SLC14A2: variants seen among roughly 807,000 people sequenced by gnomAD.
SLC14A2 encodes solute carrier family 14 member 2.
SLC14A2 carries 91 observed loss-of-function variants against 104.6 expected under a neutral mutation model. That is an observed-to-expected ratio of 0.87 (90% CI 0.73 to 1.04). SLC14A2 has a LOEUF of 1.04. SLC14A2 is among the 50% of genes least tolerant of loss of function. SLC14A2 has a pLI of 0.00. For synonymous variants in SLC14A2, 476 were observed against 466.4 expected (o/e 1.02, Z -0.27); for missense variants, 1,189 against 1,156.0 (o/e 1.03, Z -0.41).
At chr18:45,359,549 GT>G (rs1242466573) in intron 1 of SLC14A2, among the ~76,000 whole-genome samples, 1 of 152,196 alleles carries the variant, frequency 6.6e-6, no homozygotes, top group African/African-American at 2.4e-5. Context: ...ATCTCCAGGT[GT>G]TCGCCTAAAG....
At chr18:45,368,481 C>T (rs1040032710) in intron 1 of SLC14A2, among the ~76,000 whole-genome samples, 8 of 152,146 alleles carry the variant, frequency 5.3e-5, no homozygotes, top group African/African-American at 1.2e-4. Flanking sequence ...AGTAGACAAT[C>T]GCTTCCATGG....
chr18:45,276,299 A>T (rs2084701936), intron 1 of SLC14A2, among the ~76,000 whole-genome samples: 1 of 152,262 alleles, frequency 6.6e-6, no homozygotes, highest in Non-Finnish European at 1.5e-5. Context: ...GGGACCCAAT[A>T]GAAATACAGA....
intron 2 of SLC14A2, among the ~76,000 whole-genome samples, chr18:45,588,682 C>A (rs2044603347): frequency 2.6e-5 from 4 of 152,170 alleles, no homozygotes; most frequent in Admixed American, 1.3e-4. Flanking sequence ...AGTGTGCAGG[C>A]AGGGGGATTG....
At chr18:45,460,134 A>G (rs2087017426) in intron 1 of SLC14A2, among the ~76,000 whole-genome samples, 1 of 152,200 alleles carries the variant, frequency 6.6e-6, no homozygotes, top group South Asian at 2.1e-4. Flanking sequence ...TGAGTGATCT[A>G]TTCCATTCTC....
At chr18:45,365,391 T>C (rs1365942828) in intron 1 of SLC14A2, among the ~76,000 whole-genome samples, 1 of 152,252 alleles carries the variant, frequency 6.6e-6, no homozygotes, top group African/African-American at 2.4e-5. Context: ...TTAAGTGTCT[T>C]GTTAGACAAT....
intron 10 of SLC14A2, among the ~76,000 whole-genome samples, chr18:45,654,140 G>GGT (rs1555718851): frequency 2.6e-5 from 4 of 151,810 alleles, no homozygotes; most frequent in East Asian, 3.9e-4. Context: ...GGAATGCTGG[G>GGT]GGGGACGTGG....
intron 2 of SLC14A2, among the ~76,000 whole-genome samples, chr18:45,520,936 T>C (rs937838622): frequency 1.4e-4 from 21 of 152,166 alleles, no homozygotes; most frequent in Non-Finnish European, 2.9e-4. Context: ...GCCTTGGTGA[T>C]TGGGTGCTTC....
chr18:45,538,276 C>T (rs2043826153), intron 2 of SLC14A2, among the ~76,000 whole-genome samples: 1 of 152,222 alleles, frequency 6.6e-6, no homozygotes, highest in African/African-American at 2.4e-5. Context: ...GTTGCCTCTT[C>T]CTGGGCCTGT....
intron 16 of SLC14A2, among the ~76,000 whole-genome samples, chr18:45,669,888 C>T (rs534829427): frequency 6.6e-5 from 10 of 152,206 alleles, no homozygotes; most frequent in Admixed American, 2.6e-4. Context: ...TTCAATCACA[C>T]GGAATCATTC....
At chr18:45,510,459 GC>G (rs2043349960) in intron 2 of SLC14A2, among the ~76,000 whole-genome samples, 1 of 152,088 alleles carries the variant, frequency 6.6e-6, no homozygotes, top group South Asian at 2.1e-4. Context: ...TACTGTGGAG[GC>G]AGGGAGTACC....
intron 2 of SLC14A2, among the ~76,000 whole-genome samples, chr18:45,492,565 A>G (rs145258370): frequency 6.6e-6 from 1 of 152,308 alleles, no homozygotes; most frequent in East Asian, 1.9e-4. Context: ...CCCTCAGTCC[A>G]CATGTAGTGA....
chr18:45,572,580 C>A (rs1454331861), intron 2 of SLC14A2, among the ~76,000 whole-genome samples: 1 of 152,166 alleles, frequency 6.6e-6, no homozygotes, highest in Admixed American at 6.5e-5. Context: ...CAGGAGTGCC[C>A]CTCCTCACTA....
intron 1 of SLC14A2, among the ~76,000 whole-genome samples, chr18:45,314,003 G>A (rs1446662561): frequency 2.0e-5 from 3 of 152,224 alleles, no homozygotes; most frequent in Non-Finnish European, 4.4e-5. Flanking sequence ...GCCCATCCGT[G>A]CAATGGCAGG....
At chr18:45,240,174 G>A (rs2084298313) in intron 1 of SLC14A2, among the ~76,000 whole-genome samples, 1 of 135,964 alleles carries the variant, frequency 7.4e-6, no homozygotes, top group South Asian at 2.2e-4. Flanking sequence ...TCGGCTCACT[G>A]CAACCTCTGC....
At chr18:45,662,697 G>T (rs144271043) in intron 10 of SLC14A2, among the ~76,000 whole-genome samples, 7 of 152,206 alleles carry the variant, frequency 4.6e-5, no homozygotes, top group African/African-American at 1.7e-4. Flanking sequence ...TTCTATTCAA[G>T]GCACTGCTGA....
intron 1 of SLC14A2, among the ~76,000 whole-genome samples, chr18:45,427,615 AAAGTCCCTT>A (rs2086453332): frequency 6.6e-6 from 1 of 152,168 alleles, no homozygotes. Flanking sequence ...TGTGACCAGG[AAAGTCCCTT>A]AAGTCCCAGT....
chr18:45,171,230 A>G, the SLC14A2 span, among the ~76,000 whole-genome samples: 4 of 152,160 alleles, frequency 2.6e-5, no homozygotes, highest in African/African-American at 7.2e-5. Flanking sequence ...TTCAAATGTA[A>G]GTGGGTGTCC....
chr18:45,577,735 A>T (rs1208240531), intron 2 of SLC14A2, among the ~76,000 whole-genome samples: 2 of 152,298 alleles, frequency 1.3e-5, no homozygotes, highest in East Asian at 3.9e-4. Flanking sequence ...ACATGTCCAT[A>T]GTGAAATTTA....
At chr18:45,362,162 A>C (rs1273133648) in intron 1 of SLC14A2, among the ~76,000 whole-genome samples, 1 of 152,242 alleles carries the variant, frequency 6.6e-6, no homozygotes, top group Non-Finnish European at 1.5e-5. Context: ...CAGCTTATGA[A>C]GAAGGTACTT....
Sources: allele counts gnomAD v4.1 joint callset (sites outside exome capture counted in the v4.1 genomes callset), GRCh38; gene constraint gnomAD v4.1.1; transcripts MANE v1.5; gene names NCBI Gene and HGNC (gene_info 2026-07-23, HGNC 2026-07-21).